The following MTSS1 variants were observed in gnomAD, a reference collection of about 807,000 sequenced individuals.
MTSS1 encodes the protein MTSS I-BAR domain containing 1.
In MTSS1, 18 loss-of-function variants were observed where a neutral mutation model predicts 79.0. That is an observed-to-expected ratio of 0.23 (90% CI 0.16 to 0.34). MTSS1 has a LOEUF of 0.34. Among genes scored for constraint, MTSS1 ranks in the 10% least tolerant of loss-of-function variants. The pLI is 1.00. For missense variants in MTSS1, 815 were observed against 986.2 expected, an observed-to-expected ratio of 0.83 and a Z score of 2.33; for synonymous variants, 341 against 368.6, an observed-to-expected ratio of 0.93 and a Z score of 0.86.
At chr8:124,705,168 T>A (rs1175513735) in intron 1 of MTSS1, among the ~76,000 whole-genome samples, 1 of 152,144 alleles carries the variant, frequency 6.6e-6, no homozygotes. Context: ...TTGGCATTGA[T>A]CATTTAAGTA....
rs7015568 is a variant in MTSS1, at chr8:124,620,790, A to C, written c.209-29555T>G. Among the ~76,000 whole-genome samples the C allele has an allele frequency of 1.0e-2, 1,517 of 152,344 alleles. 32 individuals carry two copies. The highest frequency in any genetic ancestry group is 0.035 in the African/African-American group (1,450 of 41,578). Reference sequence around the variant, plus strand: ...AAGAAAAAACCATGAGGATTTTAAAACATCTTTTCATCTTCCTGCATAAAA... The same window carrying C: ...AAGAAAAAACCATGAGGATTTTAAACCATCTTTTCATCTTCCTGCATAAAA... On this transcript the variant is annotated intron_variant, in intron 3 of 13. Transcript: ENST00000518547.
At chr8:124,628,935 A>G (rs1815286571) in intron 3 of MTSS1, among the ~76,000 whole-genome samples, 1 of 152,094 alleles carries the variant, frequency 6.6e-6, no homozygotes, top group Non-Finnish European at 1.5e-5. Flanking sequence ...TGAAAGTAAC[A>G]CACACGGATT....
At chr8:124,592,351 T>C (rs1455003805) in intron 3 of MTSS1, among the ~76,000 whole-genome samples, 1 of 152,128 alleles carries the variant, frequency 6.6e-6, no homozygotes, top group Non-Finnish European at 1.5e-5. Flanking sequence ...GAGGGCACAA[T>C]TATGAACATT....
intron 3 of MTSS1, among the ~76,000 whole-genome samples, chr8:124,603,138 G>A (rs1042228190): frequency 6.6e-6 from 1 of 152,174 alleles, no homozygotes; most frequent in Non-Finnish European, 1.5e-5. Context: ...CAATTCTCCT[G>A]CCTCAGCCTC....
intron 3 of MTSS1, among the ~76,000 whole-genome samples, chr8:124,591,875 G>A (rs545072528): frequency 6.6e-6 from 1 of 152,136 alleles, no homozygotes; most frequent in South Asian, 2.1e-4. Context: ...CTACCTCCTG[G>A]GTTCAAACAA....
At chr8:124,629,675 A>C (rs1815510484) in intron 3 of MTSS1, among the ~76,000 whole-genome samples, 1 of 152,018 alleles carries the variant, frequency 6.6e-6, no homozygotes, top group East Asian at 1.9e-4. Flanking sequence ...AGTGCCTCCA[A>C]CGTTAAGTGG....
At chr8:124,624,045 G>T (rs961999358) in intron 3 of MTSS1, among the ~76,000 whole-genome samples, 8 of 152,336 alleles carry the variant, frequency 5.3e-5, no homozygotes, top group Admixed American at 4.6e-4. Context: ...ATCAACCATT[G>T]CTTCGTGTGG....
At chr8:124,658,193 G>A (rs1400842797) in intron 3 of MTSS1, among the ~76,000 whole-genome samples, 2 of 152,190 alleles carry the variant, frequency 1.3e-5, no homozygotes, top group South Asian at 2.1e-4. Context: ...ATCTTGAATT[G>A]TAGCTCTCAT....
intron 6 of MTSS1, among the ~76,000 whole-genome samples, chr8:124,569,187 T>C (rs10046739): frequency 0.088 from 13,421 of 152,206 alleles, 663 homozygotes; most frequent in East Asian, 0.19. Flanking sequence ...GTGGGGTCTA[T>C]GCGGAGCCTG....
At chr8:124,672,435 A>G (rs1824407872) in intron 3 of MTSS1, among the ~76,000 whole-genome samples, 1 of 151,978 alleles carries the variant, frequency 6.6e-6, no homozygotes, top group Non-Finnish European at 1.5e-5. Context: ...TGGAGGTTGC[A>G]GTGAGCCAAG....
rs745514163 is a variant in MTSS1 at position 124,709,946 on chromosome 8, A to C, written c.73-5755T>G. ...CTGGTTTAGCTGCACCTACTCCCCA[A>C]CTTATCACATCATACAGTTTGCTGT... is the stretch of plus-strand genomic sequence containing the variant. On this transcript the variant is annotated intron_variant, in intron 1 of 13. Coordinates refer to ENST00000518547, the MANE Select transcript of MTSS1 (RefSeq NM_014751.6). Among the ~76,000 whole-genome samples, 4 of 152,278 alleles carry C rather than the reference A, an allele frequency of 2.6e-5. No homozygotes were observed. The East Asian group carries it at 5.8e-4, about 22-fold the overall frequency.
At chr8:124,672,684 C>T (rs1824469255) in intron 3 of MTSS1, among the ~76,000 whole-genome samples, 1 of 151,990 alleles carries the variant, frequency 6.6e-6, no homozygotes, top group Non-Finnish European at 1.5e-5. Context: ...GTGGCATGCA[C>T]CCATAGTCCC....
At chr8:124,726,376 A>T (rs551680714) in intron 1 of MTSS1, among the ~76,000 whole-genome samples, 1 of 152,372 alleles carries the variant, frequency 6.6e-6, no homozygotes, top group African/African-American at 2.4e-5. Context: ...GTCAGTGTGC[A>T]CTGGGGGCAA....
chr8:124,692,549 A>G (rs1303475668), intron 3 of MTSS1, among the ~76,000 whole-genome samples: 3 of 152,184 alleles, frequency 2.0e-5, no homozygotes, highest in Non-Finnish European at 4.4e-5. Context: ...TGGAGCCAGG[A>G]AACAACCCAG....
intron 6 of MTSS1, among the ~76,000 whole-genome samples, chr8:124,581,149 C>A (rs1003784919): frequency 6.6e-6 from 1 of 151,924 alleles, no homozygotes; most frequent in Non-Finnish European, 1.5e-5. Flanking sequence ...TGTTCCAGTT[C>A]TCTCTCTCTC....
chr8:124,551,219 C>T lies in MTSS1; in HGVS notation c.*1773G>A, dbSNP rs1332381086. 1 of 152,658 alleles carries T rather than the reference C, an allele frequency of 6.6e-6. No individual in the cohort carries two copies. Among genetic ancestry groups the T allele is most frequent in the Admixed American group, 6.5e-5 (1 of 15,290 alleles). The allele number at this position is 152,658 out of a possible 1,614,324, so 9.5% of individuals were successfully genotyped here. A position where few individuals can be genotyped will look rare whatever the true frequency, so the allele number is the denominator to read the frequency against. On this transcript the variant is annotated 3_prime_UTR_variant, in exon 14 of 14. Coordinates refer to ENST00000518547, the MANE Select transcript of MTSS1 (RefSeq NM_014751.6). ...CGATTTCTGCTTTTGCAAAAACCATCTCAAGCATCATATGCACAATGCATC... is the reference window on the plus strand; with the variant it reads ...CGATTTCTGCTTTTGCAAAAACCATTTCAAGCATCATATGCACAATGCATC...
intron 1 of MTSS1, among the ~76,000 whole-genome samples, chr8:124,706,032 A>G (rs143303200): frequency 6.6e-6 from 1 of 152,364 alleles, no homozygotes; most frequent in East Asian, 1.9e-4. Flanking sequence ...AAACAATTAC[A>G]GTATTACTTC....
intron 3 of MTSS1, among the ~76,000 whole-genome samples, chr8:124,627,463 A>G (rs967790438): frequency 6.6e-6 from 1 of 152,254 alleles, no homozygotes; most frequent in South Asian, 2.1e-4. Context: ...CACAGTCACA[A>G]AGGGAAAATA....
At position 124,553,529 on chromosome 8, in the gene MTSS1, C is replaced by T; in HGVS notation, c.1731G>A (p.Leu577=). 6.2e-7 allele frequency: 1 copy of T among 1,614,090 alleles called. No individual in the cohort carries two copies. Among genetic ancestry groups the T allele is most frequent in the Non-Finnish European group, 8.5e-7 (1 of 1,180,004 alleles). ...CCCCTGGAGTGACCATAGCAGGTCC[C>T]AGGGTGGTGGGGAGGCCAGCAGTTG... The part of the protein sequence containing the change: ...PASTAGLPTT[L]GPAMVTPGVA... Residue 577 remains leucine, a synonymous_variant, in exon 14 of 14, where the codon CTG becomes CTA. Transcript: ENST00000518547. This position sits in a 1 kb window ranked among gnomAD's most constrained non-coding sequence, Gnocchi z 6.0.
Sources: allele counts gnomAD v4.1 joint callset (sites outside exome capture counted in the v4.1 genomes callset), GRCh38; gene constraint gnomAD v4.1.1; non-coding constraint Gnocchi (gnomAD v3.1); transcripts MANE v1.5; gene names NCBI Gene and HGNC (gene_info 2026-07-23, HGNC 2026-07-21).